The following LRRC7 variants were observed in gnomAD, a reference collection of about 807,000 sequenced individuals.
LRRC7 encodes leucine rich repeat containing 7.
Under a neutral mutation model 175.7 loss-of-function variants are expected in LRRC7, and 23 were observed. The observed-to-expected ratio is 0.13, with a 90% CI of 0.09 to 0.19. The LOEUF (loss-of-function observed/expected upper bound fraction) is 0.19. Among genes scored for constraint, LRRC7 ranks in the 10% least tolerant of loss-of-function variants. LRRC7 has a pLI of 1.00. For missense variants in LRRC7, 1,354 were observed against 1,904.7 expected, an observed-to-expected ratio of 0.71 and a Z score of 5.38; for synonymous variants, 685 against 680.9, an observed-to-expected ratio of 1.01 and a Z score of -0.09.
intron 25 of LRRC7, among the ~76,000 whole-genome samples, chr1:70,090,806 G>A (rs1437235102): frequency 1.3e-5 from 2 of 152,082 alleles, no homozygotes; most frequent in Non-Finnish European, 2.9e-5. Flanking sequence ...TTCTGATTAT[G>A]AGACCTACTT....
chr1:70,073,800 G>C (rs926707920), intron 23 of LRRC7, among the ~76,000 whole-genome samples: 2 of 152,190 alleles, frequency 1.3e-5, no homozygotes, highest in African/African-American at 4.8e-5. Flanking sequence ...TTTGTCAGTA[G>C]CCAGGCCAGT....
chr1:69,667,669 C>A (rs536169749), intron 1 of LRRC7, among the ~76,000 whole-genome samples: 1 of 152,128 alleles, frequency 6.6e-6, no homozygotes, highest in East Asian at 1.9e-4. Context: ...TTTTTTCTGT[C>A]CCTTTATTTT....
At chr1:69,900,490 G>A (rs1469255393) in intron 7 of LRRC7, among the ~76,000 whole-genome samples, 1 of 151,918 alleles carries the variant, frequency 6.6e-6, no homozygotes, top group Non-Finnish European at 1.5e-5. Flanking sequence ...GCTCTCAGTT[G>A]GTTGCATACA....
intron 11 of LRRC7, among the ~76,000 whole-genome samples, chr1:70,003,687 C>A (rs1461101504): frequency 6.6e-6 from 1 of 152,108 alleles, no homozygotes; most frequent in African/African-American, 2.4e-5. Context: ...TGCCTACTTC[C>A]TCCTCCACTT....
At chr1:70,033,625 T>C (rs925289303) in intron 18 of LRRC7, among the ~76,000 whole-genome samples, 2 of 152,142 alleles carry the variant, frequency 1.3e-5, no homozygotes, top group East Asian at 3.9e-4. Context: ...TGATTCACAA[T>C]AGAAATTCTG....
At chr1:69,699,498 C>G (rs543532070) in intron 2 of LRRC7, among the ~76,000 whole-genome samples, 1 of 151,518 alleles carries the variant, frequency 6.6e-6, no homozygotes, top group Non-Finnish European at 1.5e-5. Context: ...CAAGATTGTG[C>G]CACTGTACTC....
rs867306736 is a variant in LRRC7, at chr1:70,125,779, G to A, written c.*3892G>A. Among the ~76,000 whole-genome samples the A allele has an allele frequency of 1.9e-5, 2 of 106,054 alleles. No homozygotes were observed. Among genetic ancestry groups the A allele is most frequent in the African/African-American group, 3.9e-5 (1 of 25,604 alleles). 69.6% of individuals were successfully genotyped at this position (106,054 alleles called of 152,430 possible). A position where few individuals can be genotyped will look rare whatever the true frequency, so the allele number is the denominator to read the frequency against. On this transcript the variant is annotated 3_prime_UTR_variant, in exon 27 of 27. Transcript: ENST00000651989. Reference sequence around the variant, plus strand: ...TGCACTCCAGCCTGGGCGACAGAGCGAGACTCCGTCTCAAAAAAAAAAAAA... The same window carrying A: ...TGCACTCCAGCCTGGGCGACAGAGCAAGACTCCGTCTCAAAAAAAAAAAAA...
At chr1:69,982,669 A>G (rs1260772996) in intron 9 of LRRC7, among the ~76,000 whole-genome samples, 1 of 152,222 alleles carries the variant, frequency 6.6e-6, no homozygotes, top group Non-Finnish European at 1.5e-5. Flanking sequence ...TCTTGTGACC[A>G]TCAATCTAAG....
intron 5 of LRRC7, among the ~76,000 whole-genome samples, chr1:69,832,856 G>A (rs1211905398): frequency 6.6e-6 from 1 of 152,156 alleles, no homozygotes; most frequent in Non-Finnish European, 1.5e-5. Flanking sequence ...TGTAATCCCA[G>A]CACTTTGGGA....
intron 11 of LRRC7, among the ~76,000 whole-genome samples, chr1:69,995,886 C>A (rs1039327915): frequency 2.0e-5 from 3 of 150,654 alleles, no homozygotes; most frequent in Non-Finnish European, 2.9e-5. Context: ...GTCTTTATAG[C>A]AGCATGATTT....
chr1:69,963,602 G>T (rs1004264642), intron 8 of LRRC7, among the ~76,000 whole-genome samples: 1 of 152,098 alleles, frequency 6.6e-6, no homozygotes, highest in Admixed American at 6.5e-5. Flanking sequence ...GAAGATGGAG[G>T]AAGGTAGTAG....
intron 4 of LRRC7, among the ~76,000 whole-genome samples, chr1:69,820,041 A>G (rs1679093259): frequency 6.6e-6 from 1 of 151,966 alleles, no homozygotes; most frequent in African/African-American, 2.4e-5. Context: ...ATAATTATTG[A>G]TAGGTAAGGA....
At chr1:69,968,648 C>T (rs1315075443) in intron 8 of LRRC7, among the ~76,000 whole-genome samples, 1 of 152,132 alleles carries the variant, frequency 6.6e-6, no homozygotes, top group Non-Finnish European at 1.5e-5. Context: ...GTCCTATCTT[C>T]AGCCTCCTCA....
intron 2 of LRRC7, among the ~76,000 whole-genome samples, chr1:69,687,520 C>CAAAAAAAAA (rs551726376): frequency 2.6e-3 from 247 of 96,758 alleles, no homozygotes; most frequent in African/African-American, 3.6e-3. Context: ...AAGAAAAAAC[C>CAAAAAAAAA]AAAAAAAAAA....
chr1:69,679,273 T>C (rs1660178619), intron 2 of LRRC7, among the ~76,000 whole-genome samples: 1 of 152,092 alleles, frequency 6.6e-6, no homozygotes, highest in Non-Finnish European at 1.5e-5. Flanking sequence ...AATTTTGTCC[T>C]TTTACAGGAA....
At chr1:69,839,159 C>A in intron 7 of LRRC7, 1 of 174,400 alleles carries the variant, frequency 5.7e-6, no homozygotes, top group Non-Finnish European at 1.3e-5. Flanking sequence ...TTATTAAATC[C>A]TTTTCCTAAG....
At chr1:70,069,015 T>A (rs1219035495) in intron 23 of LRRC7, among the ~76,000 whole-genome samples, 1 of 152,192 alleles carries the variant, frequency 6.6e-6, no homozygotes, top group Non-Finnish European at 1.5e-5. Flanking sequence ...AGCTTTAAAT[T>A]ACAGGTTTTA....
At chr1:69,664,512 AGAT>A (rs1657989767) in intron 1 of LRRC7, among the ~76,000 whole-genome samples, 3 of 152,226 alleles carry the variant, frequency 2.0e-5, no homozygotes. Context: ...AGCTGGGGTC[AGAT>A]GATATCTCAT....
At chr1:69,730,169 C>G (rs1034830954) in intron 2 of LRRC7, among the ~76,000 whole-genome samples, 2 of 152,214 alleles carry the variant, frequency 1.3e-5, no homozygotes, top group Non-Finnish European at 2.9e-5. Context: ...GCCTTCAGGC[C>G]TGTGATGAGA....
Sources: allele counts gnomAD v4.1 joint callset (sites outside exome capture counted in the v4.1 genomes callset), GRCh38; gene constraint gnomAD v4.1.1; transcripts MANE v1.5; gene names NCBI Gene and HGNC (gene_info 2026-07-23, HGNC 2026-07-21).